Variants in NCEH1 observed in about 807,000 individuals in gnomAD.
The protein encoded by NCEH1 is neutral cholesterol ester hydrolase 1, also known as 2-acetyl MAGE hydrolase.
A neutral mutation model predicts 25.4 loss-of-function variants in NCEH1; 9 were observed. The ratio of observed to expected loss-of-function variants is 0.35; its 90% CI spans 0.21 to 0.62. The LOEUF (loss-of-function observed/expected upper bound fraction) is 0.62, where lower values mean the gene tolerates loss of function less well. Ranked by LOEUF, NCEH1 falls within the 20% of genes least tolerant of loss-of-function variation. NCEH1 has a pLI of 0.72. For missense variants in NCEH1, 412 were observed against 501.1 expected, an observed-to-expected ratio of 0.82 and a Z score of 1.70; for synonymous variants, 200 against 199.8, an observed-to-expected ratio of 1.00 and a Z score of -0.01.
chr3:172,684,370 T>A (rs571792355), intron 1 of NCEH1, among the ~76,000 whole-genome samples: 1 of 152,288 alleles, frequency 6.6e-6, no homozygotes, highest in East Asian at 1.9e-4. Context: ...CTAAAACTGA[T>A]TTTACTTTAG....
At chr3:172,704,664 G>A (rs920567773) in intron 1 of NCEH1, among the ~76,000 whole-genome samples, 1 of 152,192 alleles carries the variant, frequency 6.6e-6, no homozygotes, top group Non-Finnish European at 1.5e-5. Flanking sequence ...TTCATAATAT[G>A]ACACATCTTA....
intron 1 of NCEH1, among the ~76,000 whole-genome samples, chr3:172,683,020 T>C (rs941256505): frequency 3.3e-5 from 5 of 152,238 alleles, no homozygotes; most frequent in Admixed American, 3.3e-4. Flanking sequence ...GCATTAGCTA[T>C]GCTTTCATTA....
At chr3:172,694,185 T>G (rs888542503) in intron 1 of NCEH1, among the ~76,000 whole-genome samples, 4 of 152,200 alleles carry the variant, frequency 2.6e-5, no homozygotes, top group Non-Finnish European at 4.4e-5. Context: ...GGCCTGTATT[T>G]AAATGTTATA....
chr3:172,650,574 T>G (rs1273394000), intron 1 of NCEH1, among the ~76,000 whole-genome samples: 2 of 148,370 alleles, frequency 1.3e-5, no homozygotes, highest in South Asian at 2.1e-4. Flanking sequence ...GCATGAACCC[T>G]GGAGGCAGAG....
chr3:172,671,508 C>CACAT (rs1277904582), intron 1 of NCEH1, among the ~76,000 whole-genome samples: 1 of 141,634 alleles, frequency 7.1e-6, no homozygotes, highest in Admixed American at 7.0e-5. Flanking sequence ...CATACACATA[C>CACAT]ACACACACAC....
chr3:172,648,192 T>C (rs1717212850), intron 1 of NCEH1, 78 bp from the exon 2 acceptor site: 1 of 1,537,374 alleles, frequency 6.5e-7, no homozygotes, highest in Non-Finnish European at 8.9e-7. Flanking sequence ...ACCAACTGAG[T>C]GTCTGAATTC....
intron 3 of NCEH1, among the ~76,000 whole-genome samples, chr3:172,640,906 A>C (rs926374765): frequency 7.2e-5 from 11 of 152,214 alleles, no homozygotes; most frequent in African/African-American, 2.4e-4. Flanking sequence ...GCCACAAGCA[A>C]TCCTCTCACC....
At chr3:172,677,622 G>C (rs1408616679) in intron 1 of NCEH1, among the ~76,000 whole-genome samples, 1 of 120,716 alleles carries the variant, frequency 8.3e-6, no homozygotes, top group Admixed American at 1.1e-4. Flanking sequence ...AGCCCTAAGT[G>C]ACAAAGCAAG....
At chr3:172,643,370 T>C (rs957827719) in intron 3 of NCEH1, among the ~76,000 whole-genome samples, 5 of 152,184 alleles carry the variant, frequency 3.3e-5, no homozygotes, top group Admixed American at 6.5e-5. Context: ...GTTTTCCCAG[T>C]AGCTCACATT....
intron 2 of NCEH1, 91 bp from the exon 3 acceptor site, chr3:172,645,783 T>C: frequency 1.5e-6 from 1 of 680,764 alleles, no homozygotes; most frequent in Non-Finnish European, 2.4e-6. Flanking sequence ...GTTTTTAGGC[T>C]TGGAGCTAAT....
At chr3:172,644,320 T>C (rs1469138584) in intron 3 of NCEH1, among the ~76,000 whole-genome samples, 1 of 152,116 alleles carries the variant, frequency 6.6e-6, no homozygotes, top group Non-Finnish European at 1.5e-5. Context: ...AGCAGCCCCT[T>C]TCAAGAGACT....
intron 1 of NCEH1, among the ~76,000 whole-genome samples, chr3:172,654,643 C>T (rs146714758): frequency 6.6e-6 from 1 of 152,290 alleles, no homozygotes; most frequent in Middle Eastern, 3.4e-3. Context: ...GGGGAAGAAC[C>T]AGCAGCACAC....
At chr3:172,683,664 C>A (rs1050708119) in intron 1 of NCEH1, among the ~76,000 whole-genome samples, 4 of 152,088 alleles carry the variant, frequency 2.6e-5, no homozygotes, top group East Asian at 1.9e-4. Flanking sequence ...AGTGACAGGG[C>A]GAGACCCTGT....
intron 3 of NCEH1, among the ~76,000 whole-genome samples, chr3:172,640,470 A>C (rs1347188531): frequency 6.6e-6 from 1 of 152,118 alleles, no homozygotes; most frequent in Non-Finnish European, 1.5e-5. Context: ...AAAAAAGCAA[A>C]GCTTCCTTTC....
At chr3:172,696,918 G>A (rs1560207946) in intron 1 of NCEH1, among the ~76,000 whole-genome samples, 3 of 151,932 alleles carry the variant, frequency 2.0e-5, no homozygotes, top group Non-Finnish European at 4.4e-5. Context: ...TATTCAATGG[G>A]TAATATATAT....
At chr3:172,645,594 A>G (rs1036450474) in intron 3 of NCEH1, 29 bp downstream of exon 3, 7 of 1,457,526 alleles carry the variant, frequency 4.8e-6, no homozygotes, top group Non-Finnish European at 6.6e-6. Context: ...TATAAGAAAA[A>G]TTTTCTATGA....
chr3:172,653,919 G>A (rs1717571448), intron 1 of NCEH1, among the ~76,000 whole-genome samples: 1 of 151,948 alleles, frequency 6.6e-6, no homozygotes, highest in Non-Finnish European at 1.5e-5. Context: ...ACCACGCCCA[G>A]CTAATTTTTG....
chr3:172,688,533 G>A (rs1207965779), intron 1 of NCEH1, among the ~76,000 whole-genome samples: 1 of 152,110 alleles, frequency 6.6e-6, no homozygotes, highest in Non-Finnish European at 1.5e-5. Flanking sequence ...AAAAGAAATG[G>A]AAGGATTAAT....
At chr3:172,680,370 C>G (rs965664220) in intron 1 of NCEH1, among the ~76,000 whole-genome samples, 4 of 152,182 alleles carry the variant, frequency 2.6e-5, no homozygotes, top group African/African-American at 7.2e-5. Context: ...CCTCAAACTT[C>G]AAGACACCAC....
Sources: gnomAD v4.1 joint callset for allele counts (sites outside exome capture counted in the v4.1 genomes callset) on GRCh38, gnomAD v4.1.1 for gene constraint, MANE v1.5 for transcripts, NCBI Gene and HGNC (gene_info 2026-07-23, HGNC 2026-07-21) for gene names.